The following HDAC5 variants were observed in gnomAD, a reference collection of about 807,000 sequenced individuals.
HDAC5 encodes antigen NY-CO-9.
In HDAC5, 25 loss-of-function variants were observed where a neutral mutation model predicts 133.3. The ratio of observed to expected loss-of-function variants is 0.19; its 90% CI spans 0.14 to 0.26. The LOEUF is 0.26. Ranked by LOEUF, HDAC5 falls within the 10% of genes least tolerant of loss-of-function variation. The pLI, the probability that HDAC5 is intolerant of heterozygous loss-of-function variation, is 1.00. For synonymous variants in HDAC5, 589 were observed against 610.8 expected (o/e 0.96, Z 0.53); for missense variants, 1,041 against 1,460.5 (o/e 0.71, Z 4.68).
intron 1 of HDAC5, among the ~76,000 whole-genome samples, chr17:44,119,532 T>C (rs2143660871): frequency 6.6e-6 from 1 of 152,302 alleles, no homozygotes; most frequent in East Asian, 1.9e-4. Flanking sequence ...GAGCAGCTCC[T>C]TGAACTCATG....
At position 44,093,132 on chromosome 17, in the gene HDAC5, C is replaced by G. The variant is rs369608762; in HGVS notation, c.601G>C (p.Gly201Arg). Residue 201 changes from glycine (G) to arginine (R), a missense_variant, in exon 6 of 27, where the codon GGC (glycine) becomes CGC (arginine). This residue lies in a region of HDAC5 where 109 missense variants were observed against 168.0 expected (regional missense o/e 0.65). Transcript: ENST00000682912. ...LLSKSKEPTPGGLNHSLPQHP... is the reference protein window; with the variant it reads ...LLSKSKEPTPRGLNHSLPQHP... ...TGTGGGAGGGAATGGTTGAGGCCGC[C>G]TGGTGTGGGCTCCTTTGACTTCGAC... The G allele has an allele frequency of 3.7e-6, 6 of 1,613,614 alleles. No homozygotes were observed. Among genetic ancestry groups the G allele is most frequent in the Non-Finnish European group, 5.1e-6 (6 of 1,179,830 alleles).
intron 1 of HDAC5, among the ~76,000 whole-genome samples, chr17:44,120,282 C>T (rs1475136973): frequency 6.6e-6 from 1 of 152,204 alleles, no homozygotes; most frequent in Non-Finnish European, 1.5e-5. Context: ...CTTGAAGACC[C>T]TCTCTGGATC....
chr17:44,084,549 G>C lies in HDAC5; in HGVS notation c.2305+6C>G. On this transcript the variant is annotated splice_donor_region_variant and intron_variant, in intron 16 of 26. Transcript: ENST00000682912. ...TGCCTGCCCGCCCACCCATGTGCCA[G>C]CTCACCGAGCAACTTCTTGCTGTCT... 2 of 1,613,788 alleles carry C rather than the reference G, an allele frequency of 1.2e-6. No individual in the cohort carries two copies. The highest frequency in any genetic ancestry group is 1.7e-6 in the Non-Finnish European group (2 of 1,179,814).
intron 20 of HDAC5, chr17:44,081,566 T>TTTTTC (rs1188559224): frequency 6.7e-6 from 1 of 148,546 alleles, no homozygotes; most frequent in Non-Finnish European, 1.5e-5. Context: ...TTTGTTTTCC[T>TTTTTC]TTTTCTTTTC....
At chr17:44,079,511 G>A (rs984586324) in intron 23 of HDAC5, among the ~76,000 whole-genome samples, 6 of 151,614 alleles carry the variant, frequency 4.0e-5, no homozygotes, top group Non-Finnish European at 5.9e-5. Context: ...ATGGTGGCAC[G>A]CGCCTGTAAT....
chr17:44,106,558 A>G (rs1474382392), intron 3 of HDAC5, among the ~76,000 whole-genome samples: 1 of 151,834 alleles, frequency 6.6e-6, no homozygotes, highest in Non-Finnish European at 1.5e-5. Context: ...TCTACCCAGA[A>G]GAGGGCCACC....
chr17:44,084,903 T>C, intron 15 of HDAC5, 119 bp downstream of exon 15: 3 of 1,369,790 alleles, frequency 2.2e-6, no homozygotes, highest in Non-Finnish European at 3.0e-6. Flanking sequence ...GTGGGAGAAC[T>C]GGCCCCGAAG....
intron 1 of HDAC5, among the ~76,000 whole-genome samples, chr17:44,121,232 T>C (rs1240994818): frequency 6.6e-6 from 1 of 151,564 alleles, no homozygotes; most frequent in African/African-American, 2.4e-5. Flanking sequence ...TTCCCAGCAC[T>C]ACCAGGCAGG....
intron 9 of HDAC5, 40 bp downstream of exon 9, chr17:44,092,132 A>C (rs1178102299): frequency 3.2e-6 from 5 of 1,563,750 alleles, no homozygotes; most frequent in Non-Finnish European, 3.5e-6. Context: ...GGAAGGAGCA[A>C]CTCTGTCCCC....
At chr17:44,123,307 C>T in intron 1 of HDAC5, 197 bp downstream of exon 1, 1 of 324,310 alleles carries the variant, frequency 3.1e-6, no homozygotes, top group Non-Finnish European at 5.6e-6. Flanking sequence ...CGCGCAGCAA[C>T]CCCGATGTCC....
In HDAC5 at chr17:44,092,808, TGGGGTG is replaced by T; in HGVS notation, c.642-8_642-3del. On this transcript the variant is annotated splice_region_variant and splice_polypyrimidine_tract_variant and intron_variant, in intron 6 of 26. Transcript: ENST00000682912. ...TCCAAAGAAGCATGGTGGGCTCCCC[TGGGGTG>T]GGGGGGGGGTGGGGATGGAAGCAGA... 5.5e-5 allele frequency: 13 copies of T among 236,624 alleles called. No homozygotes were observed. Among genetic ancestry groups the T allele is most frequent in the Non-Finnish European group, 7.5e-5 (11 of 147,634 alleles). 14.7% of individuals were successfully genotyped at this position (236,624 alleles called of 1,614,324 possible).
chr17:44,093,279 G>A (rs371855299), intron 5 of HDAC5, 35 bp downstream of exon 5: 44 of 1,580,876 alleles, frequency 2.8e-5, no homozygotes, highest in Middle Eastern at 3.4e-4. Flanking sequence ...CATCACGGGC[G>A]GGGCCCTACG....
intron 3 of HDAC5, among the ~76,000 whole-genome samples, chr17:44,094,752 GTGTA>G (rs977860691): frequency 1.4e-4 from 19 of 131,618 alleles, no homozygotes; most frequent in South Asian, 5.4e-4. Context: ...ACGTATGTGT[GTGTA>G]TATATATATA....
In HDAC5 at chr17:44,078,486, G is replaced by A. The variant is rs776753427; in HGVS notation, c.3329+14C>T. 1.8e-5 allele frequency: 28 copies of A among 1,599,464 alleles called. No homozygotes were observed. The highest frequency in any genetic ancestry group is 1.2e-4 in the African/African-American group (9 of 74,616). ...AGGGGTGAGGGCAGAGAGGTGGTGC[G>A]GGTTGCTGCTTACCTGGGGCTGTGT... On this transcript the variant is annotated intron_variant, in intron 26 of 26. Coordinates refer to ENST00000682912, the MANE Select transcript of HDAC5 (RefSeq NM_005474.5).
chr17:44,094,998 G>A (rs1337043471), intron 3 of HDAC5, among the ~76,000 whole-genome samples: 5 of 152,016 alleles, frequency 3.3e-5, no homozygotes, highest in Admixed American at 3.3e-4. Context: ...GTCTCACTAT[G>A]TTGCCCAGGC....
intron 3 of HDAC5, among the ~76,000 whole-genome samples, chr17:44,098,091 G>A (rs1289136875): frequency 6.6e-6 from 1 of 152,254 alleles, no homozygotes; most frequent in African/African-American, 2.4e-5. Flanking sequence ...GGTTTGCCAG[G>A]TAGCAACCTG....
At chr17:44,122,980 A>G (rs2143700645) in intron 1 of HDAC5, among the ~76,000 whole-genome samples, 1 of 152,292 alleles carries the variant, frequency 6.6e-6, no homozygotes, top group Admixed American at 6.5e-5. Context: ...TGGACTCCGC[A>G]GTCCCCCTCC....
intron 2 of HDAC5, among the ~76,000 whole-genome samples, chr17:44,115,569 G>A (rs2052597568): frequency 6.6e-6 from 1 of 152,214 alleles, no homozygotes; most frequent in African/African-American, 2.4e-5. Context: ...GGAAGAGCTG[G>A]GGGGAGGCTG....
chr17:44,105,877 G>A (rs2051905567), intron 3 of HDAC5, among the ~76,000 whole-genome samples: 1 of 152,326 alleles, frequency 6.6e-6, no homozygotes, highest in Admixed American at 6.5e-5. Flanking sequence ...CTCCAAGGAT[G>A]GGCTCAGTCT....
Sources: allele counts gnomAD v4.1 joint callset (sites outside exome capture counted in the v4.1 genomes callset), GRCh38; gene constraint gnomAD v4.1.1; regional missense constraint gnomAD v4.1.1; transcripts MANE v1.5; gene names NCBI Gene and HGNC (gene_info 2026-07-23, HGNC 2026-07-21).